The following PCBP3 variants were observed in gnomAD, a reference collection of about 807,000 sequenced individuals.
PCBP3 encodes the protein poly(rC) binding protein 3, also known as poly(rC)-binding protein 3.
A neutral mutation model predicts 52.7 loss-of-function variants in PCBP3; 25 were observed. The ratio of observed to expected loss-of-function variants is 0.47; its 90% confidence interval spans 0.35 to 0.66. The LOEUF is 0.66. PCBP3 is among the 30% of genes least tolerant of loss of function. The pLI is 0.01. For synonymous variants in PCBP3, 162 were observed against 183.0 expected (o/e 0.89, Z 0.93); for missense variants, 391 against 490.3 (o/e 0.80, Z 1.91).
intron 2 of PCBP3, among the ~76,000 whole-genome samples, chr21:45,700,776 C>T (rs9977594): frequency 0.14 from 20,554 of 152,140 alleles, 1,481 homozygotes; most frequent in African/African-American, 0.16. Flanking sequence ...CCTTCTCAGG[C>T]ACTGCGTCCC....
At chr21:45,823,060 G>A (rs538850301) in intron 4 of PCBP3, among the ~76,000 whole-genome samples, 2 of 152,326 alleles carry the variant, frequency 1.3e-5, no homozygotes, top group African/African-American at 4.8e-5. Flanking sequence ...CTAAGGGTGA[G>A]ATAAGATTGT....
intron 4 of PCBP3, among the ~76,000 whole-genome samples, chr21:45,776,672 A>G (rs1302233132): frequency 1.3e-5 from 2 of 152,094 alleles, no homozygotes; most frequent in Non-Finnish European, 2.9e-5. Flanking sequence ...ATCTGATATA[A>G]CTGTAGCTTC....
intron 5 of PCBP3, among the ~76,000 whole-genome samples, chr21:45,895,813 C>G (rs2095810172): frequency 6.6e-6 from 1 of 152,248 alleles, no homozygotes; most frequent in Non-Finnish European, 1.5e-5. Context: ...GTGTTGAGGC[C>G]ACAGCAGAAG....
intron 1 of PCBP3, among the ~76,000 whole-genome samples, chr21:45,660,545 C>T (rs919158123): frequency 2.0e-5 from 3 of 152,116 alleles, no homozygotes; most frequent in African/African-American, 7.2e-5. Context: ...TCTATTACTC[C>T]ATTACTGACT....
chr21:45,673,915 A>G (rs764650018), intron 2 of PCBP3, among the ~76,000 whole-genome samples: 3 of 152,124 alleles, frequency 2.0e-5, no homozygotes, highest in Non-Finnish European at 2.9e-5. Flanking sequence ...TCTATTTATA[A>G]TTATCCTTAA....
chr21:45,796,956 T>C (rs1267294213), intron 4 of PCBP3, among the ~76,000 whole-genome samples: 1 of 152,238 alleles, frequency 6.6e-6, no homozygotes, highest in African/African-American at 2.4e-5. Context: ...TACGAGGGCT[T>C]AATCAATGAA....
intron 2 of PCBP3, among the ~76,000 whole-genome samples, chr21:45,679,297 T>A (rs1471206042): frequency 6.6e-6 from 1 of 152,026 alleles, no homozygotes; most frequent in East Asian, 1.9e-4. Context: ...ATTTTTATAT[T>A]TTTAGTAGAG....
chr21:45,786,035 CT>C (rs2091126113), intron 4 of PCBP3, among the ~76,000 whole-genome samples: 1 of 150,062 alleles, frequency 6.7e-6, no homozygotes, highest in Non-Finnish European at 1.5e-5. Flanking sequence ...AACCAGAGAC[CT>C]TTGTTCACTT....
chr21:45,822,638 G>A (rs369915978), intron 4 of PCBP3, among the ~76,000 whole-genome samples: 20 of 141,560 alleles, frequency 1.4e-4, no homozygotes, highest in African/African-American at 4.1e-4. Context: ...GGGCGGACCC[G>A]GCATGGGACA....
chr21:45,881,989 G>T lies in PCBP3; in HGVS notation c.11-14219G>T, dbSNP rs75347682. The stretch of plus-strand genomic sequence containing the variant: ...CCATATCTAGGCTGTTGTGAGTTGT[G>T]CCACAATCAACACGGGCCTGCATGT... On this transcript the variant is annotated intron_variant, in intron 5 of 17. Transcript: ENST00000681687. 7.6e-4 allele frequency among the ~76,000 whole-genome samples: 115 copies of T among 152,260 alleles called. 1 individual carries two copies. In the East Asian group the frequency reaches 0.022, roughly 29 times the overall value.
chr21:45,765,356 G>T (rs2089206227), intron 4 of PCBP3, among the ~76,000 whole-genome samples: 1 of 152,222 alleles, frequency 6.6e-6, no homozygotes, highest in Non-Finnish European at 1.5e-5. Context: ...AACAGGTGAG[G>T]TAATCAGATT....
At chr21:45,859,812 A>T (rs1446168968) in intron 5 of PCBP3, 1 of 152,346 alleles carries the variant, frequency 6.6e-6, no homozygotes, top group Non-Finnish European at 1.5e-5. Context: ...CACCCGGGTC[A>T]CAGAGAGACA....
intron 2 of PCBP3, among the ~76,000 whole-genome samples, chr21:45,684,928 A>G (rs17004792): frequency 0.023 from 3,576 of 152,292 alleles, 149 homozygotes; most frequent in African/African-American, 0.082. Flanking sequence ...ATGTTAAGCT[A>G]TGGAATAAAA....
At chr21:45,766,426 C>T (rs1217708175) in intron 4 of PCBP3, among the ~76,000 whole-genome samples, 3 of 152,170 alleles carry the variant, frequency 2.0e-5, no homozygotes, top group East Asian at 1.9e-4. Context: ...GGAAGGGATG[C>T]GAGAGCTGTC....
chr21:45,721,441 G>C (rs1298871583), intron 2 of PCBP3, among the ~76,000 whole-genome samples: 2 of 150,624 alleles, frequency 1.3e-5, no homozygotes, highest in Non-Finnish European at 2.9e-5. Flanking sequence ...ACAACTCTTG[G>C]CTGCAGGGCT....
At chr21:45,728,001 C>CT (rs527490579) in intron 2 of PCBP3, among the ~76,000 whole-genome samples, 344 of 152,240 alleles carry the variant, frequency 2.3e-3, no homozygotes, top group African/African-American at 7.5e-3. Context: ...ATTTTGTTCT[C>CT]TTTTTCAAAG....
intron 4 of PCBP3, among the ~76,000 whole-genome samples, chr21:45,777,298 G>T (rs1468968590): frequency 1.4e-5 from 2 of 141,354 alleles, no homozygotes; most frequent in African/African-American, 2.4e-5. Flanking sequence ...AGTCTGAAGG[G>T]ATTTCCTTTA....
chr21:45,646,082 TTTCTC>T (rs1569069917), intron 1 of PCBP3, among the ~76,000 whole-genome samples: 18 of 115,014 alleles, frequency 1.6e-4, no homozygotes, highest in East Asian at 2.3e-4. Context: ...TCTCTCTCTC[TTTCTC>T]TCTCTCTCTC....
At chr21:45,873,870 A>T (rs2095138050) in intron 5 of PCBP3, among the ~76,000 whole-genome samples, 1 of 152,212 alleles carries the variant, frequency 6.6e-6, no homozygotes, top group Non-Finnish European at 1.5e-5. Flanking sequence ...ACCTCAGCTC[A>T]CTATACCCTC....
Sources: gnomAD v4.1 joint callset for allele counts (sites outside exome capture counted in the v4.1 genomes callset) on GRCh38, gnomAD v4.1.1 for gene constraint, MANE v1.5 for transcripts, NCBI Gene and HGNC (gene_info 2026-07-23, HGNC 2026-07-21) for gene names.